Variants in EHBP1 observed in about 807,000 individuals in gnomAD.
The protein encoded by EHBP1 is EH domain binding protein 1.
A neutral mutation model predicts 144.0 loss-of-function variants in EHBP1; 55 were observed. The observed-to-expected ratio is 0.38, with a 90% CI of 0.31 to 0.48. The LOEUF (loss-of-function observed/expected upper bound fraction) is 0.48, where lower values mean the gene tolerates loss of function less well. EHBP1 is among the 20% of genes least tolerant of loss of function. The pLI is 0.98. For synonymous variants in EHBP1, 469 were observed against 472.7 expected, an observed-to-expected ratio of 0.99 and a Z score of 0.10; for missense variants, 1,200 against 1,364.2, an observed-to-expected ratio of 0.88 and a Z score of 1.90.
At chr2:62,727,177 A>T (rs558070974) in intron 2 of EHBP1, among the ~76,000 whole-genome samples, 1 of 152,258 alleles carries the variant, frequency 6.6e-6, no homozygotes, top group East Asian at 1.9e-4. Flanking sequence ...AACTATTTTT[A>T]AAATTATGTC....
chr2:63,040,484 T>C (rs867756014), intron 21 of EHBP1, among the ~76,000 whole-genome samples: 2 of 152,184 alleles, frequency 1.3e-5, no homozygotes, highest in Non-Finnish European at 2.9e-5. Context: ...AATAATCGAA[T>C]ATTTTATCTG....
intron 19 of EHBP1, among the ~76,000 whole-genome samples, chr2:63,011,942 T>A (rs777101537): frequency 4.9e-4 from 75 of 152,048 alleles, no homozygotes; most frequent in Non-Finnish European, 9.7e-4. Context: ...TTGGGATACA[T>A]TTAAATATTA....
intron 1 of EHBP1, among the ~76,000 whole-genome samples, chr2:62,686,742 C>T (rs1341895332): frequency 1.3e-5 from 2 of 152,116 alleles, no homozygotes; most frequent in Non-Finnish European, 2.9e-5. Flanking sequence ...TATTGCACAC[C>T]ATTTATTTCA....
At chr2:63,007,748 T>C (rs566280669) in intron 19 of EHBP1, among the ~76,000 whole-genome samples, 3 of 151,968 alleles carry the variant, frequency 2.0e-5, no homozygotes, top group African/African-American at 7.2e-5. Flanking sequence ...AGCGTATTGA[T>C]GATATTCTTG....
intron 19 of EHBP1, among the ~76,000 whole-genome samples, chr2:63,026,858 A>T (rs202191717): frequency 6.6e-6 from 1 of 152,228 alleles, no homozygotes; most frequent in African/African-American, 2.4e-5. Context: ...CTAAGTCCCA[A>T]TGGCATACAC....
intron 10 of EHBP1, among the ~76,000 whole-genome samples, chr2:62,935,749 A>C (rs1271674231): frequency 6.6e-6 from 1 of 152,202 alleles, no homozygotes; most frequent in Non-Finnish European, 1.5e-5. Context: ...ATAGATGCTC[A>C]ATCTCAAATA....
intron 19 of EHBP1, among the ~76,000 whole-genome samples, chr2:63,023,416 G>A (rs2060841909): frequency 6.6e-6 from 1 of 152,148 alleles, no homozygotes; most frequent in South Asian, 2.1e-4. Flanking sequence ...TTTTCCTAAG[G>A]AAAGACAGTG....
At chr2:62,912,604 A>G (rs139391457) in intron 10 of EHBP1, among the ~76,000 whole-genome samples, 12 of 152,300 alleles carry the variant, frequency 7.9e-5, no homozygotes, top group Non-Finnish European at 1.5e-4. Flanking sequence ...TTGTATGCCC[A>G]TCTTTCAAGT....
At chr2:63,043,694 G>T (rs1274370248) in intron 21 of EHBP1, among the ~76,000 whole-genome samples, 4 of 151,938 alleles carry the variant, frequency 2.6e-5, no homozygotes, top group Non-Finnish European at 1.5e-5. Flanking sequence ...GGGGTCGGGG[G>T]GGATTTGAAC....
At chr2:62,901,417 T>G (rs957820203) in intron 10 of EHBP1, among the ~76,000 whole-genome samples, 1 of 152,178 alleles carries the variant, frequency 6.6e-6, no homozygotes, top group Non-Finnish European at 1.5e-5. Context: ...CAAAAGAGTT[T>G]CAGGCTCAAC....
intron 7 of EHBP1, among the ~76,000 whole-genome samples, chr2:62,847,811 C>T (rs2048397032): frequency 6.6e-6 from 1 of 152,136 alleles, no homozygotes; most frequent in Non-Finnish European, 1.5e-5. Context: ...ATAAAAAAGA[C>T]ATGTGACCTT....
At chr2:62,987,995 T>C in intron 15 of EHBP1, 2 of 1,608,176 alleles carry the variant, frequency 1.2e-6, no homozygotes, top group Non-Finnish European at 1.7e-6. Flanking sequence ...TTGTAGGAGG[T>C]GGAGATGAAC....
intron 12 of EHBP1, among the ~76,000 whole-genome samples, chr2:62,945,852 C>CA (rs2057031451): frequency 6.6e-6 from 1 of 151,632 alleles, no homozygotes; most frequent in Middle Eastern, 3.4e-3. Flanking sequence ...AATATGCCAC[C>CA]AAAAAAAAGA....
chr2:63,022,651 A>C (rs2060806558), intron 19 of EHBP1, among the ~76,000 whole-genome samples: 1 of 152,030 alleles, frequency 6.6e-6, no homozygotes, highest in South Asian at 2.1e-4. Flanking sequence ...GTAGATTATT[A>C]AGTCTTTCTT....
At chr2:62,892,910 T>C (rs1040485692) in intron 10 of EHBP1, among the ~76,000 whole-genome samples, 6 of 152,130 alleles carry the variant, frequency 3.9e-5, no homozygotes, top group African/African-American at 1.4e-4. Flanking sequence ...ACCAAAGTAA[T>C]TACTAGTATT....
chr2:62,916,169 T>C (rs1258082711), intron 10 of EHBP1, among the ~76,000 whole-genome samples: 1 of 151,956 alleles, frequency 6.6e-6, no homozygotes, highest in Non-Finnish European at 1.5e-5. Flanking sequence ...ATAATAGAAC[T>C]TTTAATTAAT....
At chr2:62,990,487 A>G (rs905216001) in intron 15 of EHBP1, among the ~76,000 whole-genome samples, 4 of 152,208 alleles carry the variant, frequency 2.6e-5, no homozygotes, top group African/African-American at 9.6e-5. Context: ...CTATTTAACT[A>G]TAGTATAACT....
At chr2:62,937,899 G>T (rs1401530665) in intron 10 of EHBP1, among the ~76,000 whole-genome samples, 1 of 152,180 alleles carries the variant, frequency 6.6e-6, no homozygotes, top group Non-Finnish European at 1.5e-5. Flanking sequence ...GTGCTTTAAG[G>T]AGAACGATGC....
intron 3 of EHBP1, among the ~76,000 whole-genome samples, chr2:62,751,480 A>C (rs534789062): frequency 6.6e-6 from 1 of 152,186 alleles, no homozygotes; most frequent in Non-Finnish European, 1.5e-5. Flanking sequence ...CTTTGGTATC[A>C]GGATGATGCT....
Sources: gnomAD v4.1 joint callset for allele counts (sites outside exome capture counted in the v4.1 genomes callset) on GRCh38, gnomAD v4.1.1 for gene constraint, MANE v1.5 for transcripts, NCBI Gene and HGNC (gene_info 2026-07-23, HGNC 2026-07-21) for gene names.